Variants in SCYL3 observed in about 807,000 individuals in gnomAD.
SCYL3 encodes the protein protein-associating with the carboxyl-terminal domain of ezrin.
A neutral mutation model predicts 73.8 loss-of-function variants in SCYL3; 35 were observed. The observed-to-expected ratio is 0.47, with a 90% CI of 0.36 to 0.63. The LOEUF (loss-of-function observed/expected upper bound fraction) is 0.63, where lower values mean the gene tolerates loss of function less well. Ranked by LOEUF, SCYL3 falls within the 20% of genes least tolerant of loss-of-function variation. The pLI, the probability that SCYL3 is intolerant of heterozygous loss-of-function variation, is 0.00. For missense variants in SCYL3, 712 were observed against 798.9 expected, an observed-to-expected ratio of 0.89 and a Z score of 1.31; for synonymous variants, 277 against 295.2, an observed-to-expected ratio of 0.94 and a Z score of 0.63.
At position 169,850,113 on chromosome 1, in the gene SCYL3, C is replaced by T. The variant is rs1278420659; in HGVS notation, c.*3600G>A. On this transcript the variant is annotated 3_prime_UTR_variant, in exon 13 of 13. Transcript: ENST00000367771. ...TAATTTTGTATTATCCTTAGGGACC[C>T]TGAAGGAATCATGAGTTTATCACCT... 8 of 601,376 alleles carry T rather than the reference C, an allele frequency of 1.3e-5. No homozygotes were observed. Among genetic ancestry groups the T allele is most frequent in the Admixed American group, 1.2e-4 (4 of 34,014 alleles). The allele number at this position is 601,376 out of a possible 1,614,324, so 37.3% of individuals were successfully genotyped here. A position where few individuals can be genotyped will look rare whatever the true frequency, so the allele number is the denominator to read the frequency against.
At chr1:169,879,284 A>G (rs1661077121) in intron 2 of SCYL3, among the ~76,000 whole-genome samples, 1 of 152,232 alleles carries the variant, frequency 6.6e-6, no homozygotes, top group African/African-American at 2.4e-5. Context: ...AGTGTAACAA[A>G]GGTGCTAAAA....
intron 1 of SCYL3, among the ~76,000 whole-genome samples, chr1:169,892,359 A>C (rs1662146684): frequency 6.6e-6 from 1 of 152,190 alleles, no homozygotes; most frequent in South Asian, 2.1e-4. Context: ...CCTGGGCTCA[A>C]GCTACCTGCC....
In SCYL3 at chr1:169,859,044, C is replaced by A; in HGVS notation, c.1309G>T (p.Glu437Ter). 6.2e-7 allele frequency: 1 copy of A among 1,612,040 alleles called. No individual in the cohort carries two copies. Among genetic ancestry groups the A allele is most frequent in the South Asian group, 1.1e-5 (1 of 90,630 alleles). Residue 437 changes from glutamate to a stop codon, truncating the protein, a stop_gained, in exon 11 of 13, where the codon GAA (glutamate) becomes TAA (stop). Coordinates refer to ENST00000367771, the MANE Select transcript of SCYL3 (RefSeq NM_020423.7). LOFTEE classifies it high-confidence loss of function. The stretch of plus-strand genomic sequence containing the variant: ...TAGACCTTTTAATAATTCTTACCTT[C>A]TAGAGAAAGGTCAGTATTTTTAGTA... ...SFTKNTDLSL[E>*]GDPFSQPIKF...
At chr1:169,882,705 G>C (rs1234782389) in intron 2 of SCYL3, among the ~76,000 whole-genome samples, 1 of 152,190 alleles carries the variant, frequency 6.6e-6, no homozygotes, top group African/African-American at 2.4e-5. Flanking sequence ...CAAGGTTTGT[G>C]AATGCACCAA....
Position 169,854,560 on chromosome 1 carries a change from G to T in SCYL3, c.1717C>A (p.Gln573Lys), listed in dbSNP as rs535561761. Reference protein sequence around the residue: ...SSLPQKISLVQRGDDADQIEP... With the variant: ...SSLPQKISLVKRGDDADQIEP... ...ATTTGGTCTGCGTCATCCCCCCTTT[G>T]TACAAGGCTAATCTTTTGGGGTAAG... The change falls in exon 12 of 13, where the codon CAA becomes AAA. Residue 573 changes from glutamine (Q) to lysine (K), a missense_variant. Physicochemically the swap from Gln to Lys is moderately conservative, Grantham distance 53 (BLOSUM62 1). Transcript: ENST00000367771. The T allele has an allele frequency of 6.2e-7, 1 of 1,613,832 alleles. No individual in the cohort carries two copies. The highest frequency in any genetic ancestry group is 2.2e-5 in the East Asian group (1 of 44,882).
chr1:169,870,234 A>G, intron 6 of SCYL3, 21 bp downstream of exon 6: 1 of 1,501,840 alleles, frequency 6.7e-7, no homozygotes, highest in Non-Finnish European at 9.3e-7. Flanking sequence ...CTATAGATGC[A>G]GTAGTATAAC....
intron 2 of SCYL3, among the ~76,000 whole-genome samples, 157 bp downstream of exon 2, chr1:169,888,519 T>C (rs930234279): frequency 2.6e-5 from 4 of 152,204 alleles, no homozygotes; most frequent in African/African-American, 4.8e-5. Context: ...AAATGGAAGA[T>C]AGGCCCATGA....
intron 2 of SCYL3, among the ~76,000 whole-genome samples, chr1:169,882,543 G>A (rs931916012): frequency 2.0e-5 from 3 of 152,228 alleles, no homozygotes; most frequent in South Asian, 2.1e-4. Flanking sequence ...GCCCCAGTGC[G>A]GGATCCACTG....
At chr1:169,857,499 T>TA (rs1166506361) in intron 11 of SCYL3, among the ~76,000 whole-genome samples, 1 of 152,222 alleles carries the variant, frequency 6.6e-6, no homozygotes, top group Non-Finnish European at 1.5e-5. Flanking sequence ...ACTGGAAAGA[T>TA]ACACGTGTAA....
chr1:169,862,696 C>T lies in SCYL3; in HGVS notation c.1057G>A (p.Val353Met). 2 of 1,614,212 alleles carry T rather than the reference C, an allele frequency of 1.2e-6. No homozygotes were observed. The highest frequency in any genetic ancestry group is 1.7e-6 in the Non-Finnish European group (2 of 1,180,048). Residue 353 changes from valine to methionine, a missense_variant, in exon 10 of 13, where the codon GTG becomes ATG. Coordinates refer to ENST00000367771, the MANE Select transcript of SCYL3 (RefSeq NM_020423.7). ...LQLFEVHEEH[V>M]RMVLLSHIEA... Reference sequence around the variant, plus strand: ...ATGTGAGACAGCAGCACCATCCGCACATGCTCTTCATGAACTTCAAACAAC... The same window carrying T: ...ATGTGAGACAGCAGCACCATCCGCATATGCTCTTCATGAACTTCAAACAAC...
At chr1:169,855,348 ACT>A (rs777839150) in intron 11 of SCYL3, among the ~76,000 whole-genome samples, 5 of 152,192 alleles carry the variant, frequency 3.3e-5, no homozygotes, top group Non-Finnish European at 5.9e-5. Flanking sequence ...AGTTTGCCTA[ACT>A]CAACTTATTA....
At chr1:169,886,500 C>T (rs571097559) in intron 2 of SCYL3, among the ~76,000 whole-genome samples, 9 of 152,282 alleles carry the variant, frequency 5.9e-5, no homozygotes, top group Middle Eastern at 3.4e-3. Context: ...TCCAACAATA[C>T]TAAATAGAGC....
In SCYL3 at chr1:169,877,636, A is replaced by G. The variant is rs529674798; in HGVS notation, c.351+998T>C. On this transcript the variant is annotated intron_variant, in intron 3 of 12. Transcript: ENST00000367771. ...CACACTAGATATTTGTTTTATATGCACAAAGAACATCTCTGGAATAATACA... is the reference window on the plus strand; with the variant it reads ...CACACTAGATATTTGTTTTATATGCGCAAAGAACATCTCTGGAATAATACA... 2.6e-4 allele frequency among the ~76,000 whole-genome samples: 39 copies of G among 152,326 alleles called. No individual in the cohort carries two copies. In the South Asian group the frequency reaches 8.1e-3, roughly 32 times the overall value.
chr1:169,875,912 G>A (rs1459583881), intron 4 of SCYL3, 66 bp downstream of exon 4: 2 of 998,644 alleles, frequency 2.0e-6, no homozygotes, highest in Non-Finnish European at 2.9e-6. Flanking sequence ...AAGTGCCTAG[G>A]CAAGAACCAC....
chr1:169,852,450 C>G lies in SCYL3; in HGVS notation c.*1263G>C. The G allele has an allele frequency of 3.5e-6, 1 of 288,602 alleles. No homozygotes were observed. Among genetic ancestry groups the G allele is most frequent in the Non-Finnish European group, 6.5e-6 (1 of 154,174 alleles). The allele number at this position is 288,602 out of a possible 1,614,324, so 17.9% of individuals were successfully genotyped here. A position where few individuals can be genotyped will look rare whatever the true frequency, so the allele number is the denominator to read the frequency against. ...GAACAACATTCTGATAAGTTTTAGT[C>G]AAACTCTCATAAAAAGAAAATACAT... On this transcript the variant is annotated 3_prime_UTR_variant, in exon 13 of 13. Transcript: ENST00000367771.
rs1354118341 is a variant in SCYL3, at chr1:169,851,606, A to C, written c.*2107T>G. 1 of 609,174 alleles carries C rather than the reference A, an allele frequency of 1.6e-6. No homozygotes were observed. The highest frequency in any genetic ancestry group is 3.4e-5 in the Admixed American group (1 of 29,412). 37.7% of individuals were successfully genotyped at this position (609,174 alleles called of 1,614,324 possible). ...AGCAGACTATCATTTTTTCCTGCAA[A>C]GACAACTCTATAACTAACTATTTTG... On this transcript the variant is annotated 3_prime_UTR_variant, in exon 13 of 13. Transcript: ENST00000367771.
chr1:169,857,755 TAAC>T (rs67177907), intron 11 of SCYL3, among the ~76,000 whole-genome samples: 79,753 of 151,752 alleles, frequency 0.53, 21,429 homozygotes, highest in African/African-American at 0.63. Context: ...TTGTGTCACT[TAAC>T]AATGGGGACA....
intron 11 of SCYL3, among the ~76,000 whole-genome samples, chr1:169,856,461 G>A (rs759126447): frequency 5.9e-5 from 9 of 152,266 alleles, no homozygotes; most frequent in Admixed American, 1.3e-4. Flanking sequence ...CAGTTTGCCA[G>A]AAAGTTTATA....
In SCYL3 at chr1:169,888,407, CCTAA is replaced by C. The variant is rs746220701; in HGVS notation, c.165+265_165+268del. Reference sequence around the variant, plus strand: ...TATATTAGCTACATAAAAATGTCTCCCTAACTTTCTCACCAGAAAAATAAAATAT... The same window carrying C: ...TATATTAGCTACATAAAAATGTCTCCCTTTCTCACCAGAAAAATAAAATAT... On this transcript the variant is annotated intron_variant, in intron 2 of 12. Coordinates refer to ENST00000367771, the MANE Select transcript of SCYL3 (RefSeq NM_020423.7). Among the ~76,000 whole-genome samples, 129 of 152,264 alleles carry C rather than the reference CCTAA, an allele frequency of 8.5e-4. 1 individual carries two copies. Among genetic ancestry groups the C allele is most frequent in the Non-Finnish European group, 1.2e-3 (79 of 68,018 alleles).
Sources: gnomAD v4.1 joint callset for allele counts (sites outside exome capture counted in the v4.1 genomes callset) on GRCh38, gnomAD v4.1.1 for gene constraint, MANE v1.5 for transcripts, NCBI Gene and HGNC (gene_info 2026-07-23, HGNC 2026-07-21) for gene names.